Variants in TMEM45A observed in about 807,000 individuals in gnomAD.
TMEM45A encodes transmembrane protein 45A, also known as DNA polymerase-transactivated protein 4.
TMEM45A carries 25 observed loss-of-function variants against 32.0 expected under a neutral mutation model. That is an observed-to-expected ratio of 0.78 (90% confidence interval 0.57 to 1.09). The LOEUF is 1.09. TMEM45A is among the 50% of genes least tolerant of loss of function. The probability of loss-of-function intolerance (pLI) is 0.00; values close to 1 mark genes in which losing one functional copy is unlikely to be tolerated. For synonymous variants in TMEM45A, 122 were observed against 114.8 expected (o/e 1.06, Z -0.40); for missense variants, 302 against 325.0 (o/e 0.93, Z 0.54).
intron 1 of TMEM45A, among the ~76,000 whole-genome samples, chr3:100,523,224 T>A (rs1379675969): frequency 6.6e-6 from 1 of 152,200 alleles, no homozygotes; most frequent in East Asian, 1.9e-4. Flanking sequence ...TGTTGTCTGT[T>A]TGTGTTGCCG....
At chr3:100,514,017 G>A (rs1708215232) in intron 1 of TMEM45A, among the ~76,000 whole-genome samples, 1 of 152,156 alleles carries the variant, frequency 6.6e-6, no homozygotes, top group Non-Finnish European at 1.5e-5. Context: ...TTCATGGGTA[G>A]GAAGAATCAA....
intron 4 of TMEM45A, among the ~76,000 whole-genome samples, chr3:100,558,961 G>A (rs1202897164): frequency 6.6e-6 from 1 of 152,122 alleles, no homozygotes; most frequent in East Asian, 1.9e-4. Context: ...CTATGTGTTG[G>A]CTACTGTACC....
intron 1 of TMEM45A, among the ~76,000 whole-genome samples, chr3:100,548,898 G>A (rs1706033088): frequency 2.0e-5 from 3 of 152,090 alleles, no homozygotes; most frequent in Non-Finnish European, 4.4e-5. Context: ...CTTCGGTTTT[G>A]GCCATGACTT....
At chr3:100,545,012 T>A (rs114347535) in intron 1 of TMEM45A, among the ~76,000 whole-genome samples, 56 of 152,362 alleles carry the variant, frequency 3.7e-4, no homozygotes, top group African/African-American at 1.3e-3. Context: ...GTCAGTCTTT[T>A]AAAATTTAGC....
chr3:100,507,282 T>A (rs1708091668), intron 1 of TMEM45A, among the ~76,000 whole-genome samples: 1 of 152,238 alleles, frequency 6.6e-6, no homozygotes. Context: ...TGGGCATTCT[T>A]TCCCACTCTG....
At chr3:100,529,806 T>C (rs536963794) in intron 1 of TMEM45A, among the ~76,000 whole-genome samples, 2 of 152,148 alleles carry the variant, frequency 1.3e-5, no homozygotes, top group South Asian at 2.1e-4. Flanking sequence ...TTTGTACATA[T>C]GGGGTTTCAT....
intron 1 of TMEM45A, among the ~76,000 whole-genome samples, chr3:100,500,283 C>A (rs1020687182): frequency 1.3e-5 from 2 of 152,196 alleles, no homozygotes; most frequent in African/African-American, 4.8e-5. Flanking sequence ...ATCAAATACA[C>A]ACATCTCAGT....
Position 100,556,755 on chromosome 3 carries a change from G to A in TMEM45A, c.191-5G>A, listed in dbSNP as rs757606943. On this transcript the variant is annotated splice_region_variant and splice_polypyrimidine_tract_variant and intron_variant, in intron 2 of 5. Transcript: ENST00000323523. ...TTGCTAAAACTGTGATATGTTTCTT[G>A]GCAGGCATGGCTGGGGAGCAGTTTA... The A allele has an allele frequency of 6.2e-7, 1 of 1,610,374 alleles. No individual in the cohort carries two copies. Among genetic ancestry groups the A allele is most frequent in the Admixed American group, 1.7e-5 (1 of 59,390 alleles).
At chr3:100,539,484 TGTATATGTATACGTATACGTATAC>T (rs1705816143) in intron 1 of TMEM45A, among the ~76,000 whole-genome samples, 1 of 112,014 alleles carries the variant, frequency 8.9e-6, no homozygotes, top group Non-Finnish European at 2.1e-5. Flanking sequence ...TATATGTATA[TGTATATGTATACGTATACGTATAC>T]GTATACGTAT....
chr3:100,494,684 A>C (rs1266712444), intron 1 of TMEM45A, among the ~76,000 whole-genome samples: 1 of 152,202 alleles, frequency 6.6e-6, no homozygotes, highest in African/African-American at 2.4e-5. Context: ...AATGCATACA[A>C]AGTGGATGGA....
At chr3:100,556,655 C>A in intron 2 of TMEM45A, 105 bp from the exon 3 acceptor site, 1 of 1,089,036 alleles carries the variant, frequency 9.2e-7, no homozygotes, top group Non-Finnish European at 1.3e-6. Context: ...GAATTAATGT[C>A]AAAAGAGGAC....
intron 1 of TMEM45A, among the ~76,000 whole-genome samples, chr3:100,540,130 C>A (rs1383659677): frequency 6.6e-6 from 1 of 152,072 alleles, no homozygotes; most frequent in African/African-American, 2.4e-5. Flanking sequence ...AAATTTAAAA[C>A]TTCTGTTTTT....
intron 1 of TMEM45A, among the ~76,000 whole-genome samples, chr3:100,514,688 C>T (rs1708230140): frequency 6.6e-6 from 1 of 152,084 alleles, no homozygotes; most frequent in Non-Finnish European, 1.5e-5. Flanking sequence ...AGTGAACAGG[C>T]AACCTACAAA....
intron 4 of TMEM45A, among the ~76,000 whole-genome samples, chr3:100,561,644 C>A (rs572967107): frequency 1.3e-5 from 2 of 152,282 alleles, no homozygotes; most frequent in South Asian, 4.2e-4. Flanking sequence ...TACTATGAAT[C>A]ATGTTTTCCC....
chr3:100,519,537 A>G, intron 1 of TMEM45A: 1 of 1,550,680 alleles, frequency 6.4e-7, no homozygotes, highest in South Asian at 1.2e-5. Context: ...CCACAGTTCT[A>G]ACGTGCCTGA....
At chr3:100,506,093 TG>T (rs1352478025) in intron 1 of TMEM45A, among the ~76,000 whole-genome samples, 2 of 151,878 alleles carry the variant, frequency 1.3e-5, no homozygotes, top group Admixed American at 6.6e-5. Context: ...GCCAAGCTTG[TG>T]GGGGGAAGAG....
At chr3:100,515,762 T>C (rs1433272349) in intron 1 of TMEM45A, among the ~76,000 whole-genome samples, 3 of 152,188 alleles carry the variant, frequency 2.0e-5, no homozygotes, top group Non-Finnish European at 2.9e-5. Flanking sequence ...AAATATTACA[T>C]GTTCTTACTA....
chr3:100,512,882 G>A (rs1400545167), intron 1 of TMEM45A, among the ~76,000 whole-genome samples: 4 of 152,070 alleles, frequency 2.6e-5, no homozygotes, highest in Admixed American at 6.5e-5. Flanking sequence ...TAGAAGAAAT[G>A]GATAAATTCT....
chr3:100,513,412 A>G (rs1275361951), intron 1 of TMEM45A, among the ~76,000 whole-genome samples: 1 of 150,704 alleles, frequency 6.6e-6, no homozygotes, highest in African/African-American at 2.5e-5. Flanking sequence ...AAGGCCTTTG[A>G]CAAAATTCAA....
Sources: allele counts gnomAD v4.1 joint callset (sites outside exome capture counted in the v4.1 genomes callset), GRCh38; gene constraint gnomAD v4.1.1; transcripts MANE v1.5; gene names NCBI Gene and HGNC (gene_info 2026-07-23, HGNC 2026-07-21).